Variants in LRFN5 observed in about 807,000 individuals in gnomAD.
The protein encoded by LRFN5 is leucine-rich repeat and fibronectin type-III domain-containing protein 5.
A neutral mutation model predicts 45.6 loss-of-function variants in LRFN5; 24 were observed. That is an observed-to-expected ratio of 0.53 (90% CI 0.38 to 0.74). The LOEUF (loss-of-function observed/expected upper bound fraction) is 0.74. Among genes scored for constraint, LRFN5 ranks in the 30% least tolerant of loss-of-function variants. LRFN5 has a pLI of 0.00. For missense variants in LRFN5, 776 were observed against 861.5 expected, an observed-to-expected ratio of 0.90 and a Z score of 1.24; for synonymous variants, 340 against 313.8, an observed-to-expected ratio of 1.08 and a Z score of -0.88.
intron 2 of LRFN5, among the ~76,000 whole-genome samples, chr14:41,839,757 T>C (rs1888794547): frequency 6.6e-6 from 1 of 152,124 alleles, no homozygotes; most frequent in Admixed American, 6.6e-5. Context: ...TCTAAATACC[T>C]GTGAAGCTAT....
rs773088224 is a variant in LRFN5 at position 41,886,660 on chromosome 14, G to C, written c.35G>C (p.Gly12Ala). The change falls in exon 3 of 6, where the codon GGC becomes GCC. Residue 12 changes from glycine (G) to alanine (A), a missense_variant. Gly to Ala is a moderately conservative substitution (Grantham distance 60). This residue lies in a region of LRFN5 where 311 missense variants were observed against 405.1 expected (regional missense o/e 0.77). Transcript: ENST00000298119. ...ATTCTTTTTTATCTGTTTCTCATTG[G>C]CATAGCAGTGAAAGCTCAGATCTGT... is the stretch of plus-strand genomic sequence containing the variant. ...EKILFYLFLI[G>A]IAVKAQICPK... 1.2e-6 allele frequency: 2 copies of C among 1,600,906 alleles called. No individual in the cohort carries two copies. The highest frequency in any genetic ancestry group is 1.7e-6 in the Non-Finnish European group (2 of 1,176,494).
intron 2 of LRFN5, among the ~76,000 whole-genome samples, chr14:41,805,549 C>G (rs1362629457): frequency 1.6e-4 from 24 of 145,478 alleles, no homozygotes; most frequent in Non-Finnish European, 2.9e-4. Context: ...AATGCTATCC[C>G]TCCACCCCCC....
chr14:41,735,532 C>G (rs543104577), intron 1 of LRFN5, among the ~76,000 whole-genome samples: 7 of 152,104 alleles, frequency 4.6e-5, no homozygotes, highest in Non-Finnish European at 8.8e-5. Flanking sequence ...TCAGCCCCCC[C>G]ACGTGCTGGG....
chr14:41,884,022 CT>C (rs1276372840), intron 2 of LRFN5, among the ~76,000 whole-genome samples: 3 of 152,154 alleles, frequency 2.0e-5, no homozygotes, highest in Non-Finnish European at 4.4e-5. Context: ...CCTGCCTCCA[CT>C]TACATAGTTT....
rs761249696 is a variant in LRFN5 at position 41,886,606 on chromosome 14, G to T, written c.-20G>T. On this transcript the variant is annotated splice_region_variant and 5_prime_UTR_variant, in exon 3 of 6. Transcript: ENST00000298119. ...TTCTATTTTGTGTCTTCCGTTACAG[G>T]CTCTTAAACCTGATCTACAATGGAA... 2.0e-6 allele frequency: 3 copies of T among 1,530,924 alleles called. No individual in the cohort carries two copies. Among genetic ancestry groups the T allele is most frequent in the Non-Finnish European group, 2.6e-6 (3 of 1,142,098 alleles). The allele number at this position is 1,530,924 out of a possible 1,614,324, so 94.8% of individuals were successfully genotyped here.
At chr14:41,753,585 A>G (rs932622954) in intron 1 of LRFN5, among the ~76,000 whole-genome samples, 9 of 152,120 alleles carry the variant, frequency 5.9e-5, no homozygotes, top group African/African-American at 2.2e-4. Context: ...ATTGGTGTAT[A>G]AGAATGCTTG....
chr14:41,661,215 T>C (rs899857276), intron 1 of LRFN5, among the ~76,000 whole-genome samples: 2 of 151,952 alleles, frequency 1.3e-5, no homozygotes, highest in African/African-American at 2.4e-5. Context: ...AAATATTTAT[T>C]CATGAAACAT....
intron 2 of LRFN5, among the ~76,000 whole-genome samples, chr14:41,842,168 A>G (rs1414489074): frequency 6.6e-6 from 1 of 152,006 alleles, no homozygotes; most frequent in Non-Finnish European, 1.5e-5. Flanking sequence ...TGGAGATGAT[A>G]TTACTTATGC....
intron 1 of LRFN5, among the ~76,000 whole-genome samples, chr14:41,638,280 G>A (rs184556389): frequency 6.6e-6 from 1 of 151,972 alleles, no homozygotes; most frequent in African/African-American, 2.4e-5. Context: ...TAATTAAAAT[G>A]ATAGAGGGTT....
At chr14:41,859,693 A>C (rs1197744532) in intron 2 of LRFN5, among the ~76,000 whole-genome samples, 2 of 152,212 alleles carry the variant, frequency 1.3e-5, no homozygotes, top group Admixed American at 1.3e-4. Context: ...CATTCTCCAA[A>C]TATATAGAAA....
In LRFN5 at chr14:41,607,270, C is replaced by G. The variant is rs138813874; in HGVS notation, c.-1489C>G. ...AGCTCTGGCTGTGAACACAGCCCAC[C>G]CATATAATCCATTTTGCACGGTCCG... On this transcript the variant is annotated 5_prime_UTR_variant, in exon 1 of 6. Transcript: ENST00000298119. Among the ~76,000 whole-genome samples the G allele has an allele frequency of 0.011, 1,722 of 151,838 alleles. 37 individuals carry two copies. The highest frequency in any genetic ancestry group is 0.04 in the African/African-American group (1,675 of 41,434).
chr14:41,736,495 C>G (rs35330254), intron 1 of LRFN5, among the ~76,000 whole-genome samples: 25,241 of 151,854 alleles, frequency 0.17, 2,200 homozygotes, highest in Admixed American at 0.2. Flanking sequence ...CTGGATATTA[C>G]CCCTTTGTCA....
intron 1 of LRFN5, among the ~76,000 whole-genome samples, chr14:41,669,041 A>C (rs990430065): frequency 3.9e-5 from 6 of 152,158 alleles, no homozygotes; most frequent in Non-Finnish European, 5.9e-5. Context: ...TATGTAATAG[A>C]AATGTGTAAT....
At chr14:41,870,339 G>A (rs571143186) in intron 2 of LRFN5, among the ~76,000 whole-genome samples, 2 of 152,114 alleles carry the variant, frequency 1.3e-5, no homozygotes, top group Admixed American at 1.3e-4. Flanking sequence ...CAAAATAACT[G>A]TATTAATCTG....
intron 1 of LRFN5, among the ~76,000 whole-genome samples, chr14:41,747,880 A>C (rs974015084): frequency 6.6e-6 from 1 of 152,064 alleles, no homozygotes; most frequent in Non-Finnish European, 1.5e-5. Context: ...AAAGATATAC[A>C]GATGGAAAAC....
intron 1 of LRFN5, among the ~76,000 whole-genome samples, chr14:41,637,667 T>A (rs1879369317): frequency 6.6e-6 from 1 of 152,148 alleles, no homozygotes; most frequent in Non-Finnish European, 1.5e-5. Context: ...GTACACCTTA[T>A]TTGGAGGTCA....
At position 41,724,074 on chromosome 14, in the gene LRFN5, T is replaced by C. The variant is rs111468615; in HGVS notation, c.-196-42780T>C. 7.6e-3 allele frequency among the ~76,000 whole-genome samples: 1,159 copies of C among 152,296 alleles called. 17 individuals carry two copies. The highest frequency in any genetic ancestry group is 0.027 in the African/African-American group (1,130 of 41,560). On this transcript the variant is annotated intron_variant, in intron 1 of 5. Transcript: ENST00000298119. ...AAAGATGAGTCACAAAAGGAGGTTC[T>C]GTGCCTCTCTCACGTACTGGGGCTA...
At chr14:41,749,517 G>C (rs559053452) in intron 1 of LRFN5, among the ~76,000 whole-genome samples, 1 of 152,196 alleles carries the variant, frequency 6.6e-6, no homozygotes, top group East Asian at 1.9e-4. Flanking sequence ...TCTTTTGCGG[G>C]AACATGGAAG....
At chr14:41,844,551 A>C (rs2139062008) in intron 2 of LRFN5, among the ~76,000 whole-genome samples, 1 of 152,298 alleles carries the variant, frequency 6.6e-6, no homozygotes, top group Admixed American at 6.5e-5. Context: ...CCAACATTTT[A>C]AAGGACAGTT....
Sources: allele counts gnomAD v4.1 joint callset (sites outside exome capture counted in the v4.1 genomes callset), GRCh38; gene constraint gnomAD v4.1.1; regional missense constraint gnomAD v4.1.1; transcripts MANE v1.5; gene names NCBI Gene and HGNC (gene_info 2026-07-23, HGNC 2026-07-21).